The following GFRA1 variants were observed in gnomAD, a reference collection of about 807,000 sequenced individuals.
The protein encoded by GFRA1 is GDNF family receptor alpha 1.
GFRA1 carries 16 observed loss-of-function variants against 51.6 expected under a neutral mutation model. The ratio of observed to expected loss-of-function variants is 0.31; its 90% confidence interval spans 0.21 to 0.47. GFRA1 has a LOEUF of 0.47. Ranked by LOEUF, GFRA1 falls within the 20% of genes least tolerant of loss-of-function variation. GFRA1 has a pLI of 1.00. For missense variants in GFRA1, 530 were observed against 594.3 expected, an observed-to-expected ratio of 0.89 and a Z score of 1.13; for synonymous variants, 270 against 241.3, an observed-to-expected ratio of 1.12 and a Z score of -1.10.
intron 5 of GFRA1, among the ~76,000 whole-genome samples, chr10:116,183,741 C>A (rs1380729753): frequency 1.3e-5 from 2 of 152,226 alleles, no homozygotes; most frequent in Admixed American, 1.3e-4. Context: ...TCTTAACACT[C>A]AGCACCTTGC....
chr10:116,152,937 T>C (rs1959119240), intron 5 of GFRA1, among the ~76,000 whole-genome samples: 1 of 152,226 alleles, frequency 6.6e-6, no homozygotes, highest in South Asian at 2.1e-4. Flanking sequence ...AGTGCTTTTA[T>C]TGAGCACTGA....
At chr10:116,187,289 G>A (rs1962817639) in intron 5 of GFRA1, among the ~76,000 whole-genome samples, 1 of 152,166 alleles carries the variant, frequency 6.6e-6, no homozygotes, top group African/African-American at 2.4e-5. Flanking sequence ...TTGAGGTCAT[G>A]AGGCTGGAGC....
chr10:116,120,203 G>C (rs1205764768), intron 6 of GFRA1, among the ~76,000 whole-genome samples: 3 of 152,214 alleles, frequency 2.0e-5, no homozygotes, highest in African/African-American at 7.2e-5. Context: ...TGAGGACATA[G>C]AGCCGCTGAC....
intron 5 of GFRA1, among the ~76,000 whole-genome samples, chr10:116,173,777 G>A (rs34326551): frequency 0.13 from 19,355 of 151,946 alleles, 1,607 homozygotes; most frequent in East Asian, 0.25. Flanking sequence ...TTTTTTCCCC[G>A]GTTAAAAAAA....
chr10:116,195,356 T>C (rs1468139779), intron 5 of GFRA1, among the ~76,000 whole-genome samples: 1 of 152,174 alleles, frequency 6.6e-6, no homozygotes, highest in Non-Finnish European at 1.5e-5. Flanking sequence ...AACATTCTTG[T>C]AGAGCAGTGG....
chr10:116,125,992 A>G (rs1383617070), intron 5 of GFRA1, among the ~76,000 whole-genome samples: 1 of 152,232 alleles, frequency 6.6e-6, no homozygotes, highest in Non-Finnish European at 1.5e-5. Context: ...TATGTAATAA[A>G]TGCATATAGT....
At chr10:116,221,201 A>G (rs1965900049) in intron 4 of GFRA1, among the ~76,000 whole-genome samples, 1 of 152,210 alleles carries the variant, frequency 6.6e-6, no homozygotes, top group African/African-American at 2.4e-5. Context: ...ACAGATAAAG[A>G]AACACAGGCC....
chr10:116,271,030 G>C lies in GFRA1; in HGVS notation c.126C>G (p.Cys42Trp). The change falls in exon 3 of 11, where the codon TGC becomes TGG. Residue 42 changes from cysteine to tryptophan, a missense_variant. Coordinates refer to ENST00000355422, the MANE Select transcript of GFRA1 (RefSeq NM_005264.8). ...GCCTTAGCGTGCGGTACTTGGTGCT[G>C]CAGCTCTGCTCCTTCAGGCACTGAT... ...ASDQCLKEQS[C>W]STKYRTLRQC... 1.2e-6 allele frequency: 2 copies of C among 1,614,198 alleles called. No individual in the cohort carries two copies. Among genetic ancestry groups the C allele is most frequent in the Non-Finnish European group, 1.7e-6 (2 of 1,180,024 alleles).
intron 4 of GFRA1, among the ~76,000 whole-genome samples, chr10:116,228,294 G>A (rs902500801): frequency 1.3e-5 from 2 of 152,180 alleles, no homozygotes; most frequent in Admixed American, 6.5e-5. Flanking sequence ...GGAGGCTTCT[G>A]ATAAGGAAGT....
At chr10:116,118,882 G>A (rs1198217169) in intron 6 of GFRA1, among the ~76,000 whole-genome samples, 1 of 152,170 alleles carries the variant, frequency 6.6e-6, no homozygotes, top group Non-Finnish European at 1.5e-5. Context: ...TGCAGGGAGG[G>A]GACCAGCTGG....
Position 116,063,171 on chromosome 10 carries a change from T to C in GFRA1, c.*1227A>G, listed in dbSNP as rs1369700345. ...CATGTCCCAATCAAAGCTGCCTTTG[T>C]CAGATAACCTGAAAACCAAGGTACT... On this transcript the variant is annotated 3_prime_UTR_variant, in exon 11 of 11. Coordinates refer to ENST00000355422, the MANE Select transcript of GFRA1 (RefSeq NM_005264.8). The C allele has an allele frequency of 6.6e-6, 1 of 152,234 alleles. No individual in the cohort carries two copies. The highest frequency in any genetic ancestry group is 1.5e-5 in the Non-Finnish European group (1 of 68,052). The allele number at this position is 152,234 out of a possible 1,614,324, so 9.4% of individuals were successfully genotyped here.
At chr10:116,149,928 C>T (rs1160154741) in intron 5 of GFRA1, among the ~76,000 whole-genome samples, 1 of 152,188 alleles carries the variant, frequency 6.6e-6, no homozygotes, top group Non-Finnish European at 1.5e-5. Context: ...GTTCCAAGCA[C>T]TCCGCAAAGG....
At chr10:116,233,147 C>A (rs560200247) in intron 4 of GFRA1, among the ~76,000 whole-genome samples, 1 of 151,930 alleles carries the variant, frequency 6.6e-6, no homozygotes, top group East Asian at 1.9e-4. Context: ...GTCAACATGG[C>A]AAAACCCTGT....
chr10:116,252,752 C>T (rs1968491587), intron 4 of GFRA1, among the ~76,000 whole-genome samples: 1 of 152,156 alleles, frequency 6.6e-6, no homozygotes, highest in African/African-American at 2.4e-5. Flanking sequence ...ATCACTGTGA[C>T]TGGGGGATAG....
At chr10:116,264,717 A>T (rs1969531627) in intron 4 of GFRA1, among the ~76,000 whole-genome samples, 2 of 152,188 alleles carry the variant, frequency 1.3e-5, no homozygotes, top group Admixed American at 1.3e-4. Context: ...ATACTTGGGG[A>T]ATTGTTTGGC....
chr10:116,100,893 G>T (rs1184357715), intron 6 of GFRA1, among the ~76,000 whole-genome samples: 1 of 152,132 alleles, frequency 6.6e-6, no homozygotes, highest in Admixed American at 6.5e-5. Context: ...CAAAACTTCG[G>T]ACTGGAGGGG....
chr10:116,183,539 AC>A (rs1435436825), intron 5 of GFRA1, among the ~76,000 whole-genome samples: 1 of 152,166 alleles, frequency 6.6e-6, no homozygotes, highest in Non-Finnish European at 1.5e-5. Context: ...AGTTTTAGGC[AC>A]CAAGAGGGCA....
At chr10:116,097,447 C>T (rs1223145774) in intron 6 of GFRA1, among the ~76,000 whole-genome samples, 2 of 152,156 alleles carry the variant, frequency 1.3e-5, no homozygotes, top group African/African-American at 4.8e-5. Flanking sequence ...CAGCTGCCTG[C>T]AGGTTGGAAT....
At chr10:116,182,882 C>T (rs1382233747) in intron 5 of GFRA1, among the ~76,000 whole-genome samples, 1 of 152,168 alleles carries the variant, frequency 6.6e-6, no homozygotes, top group East Asian at 1.9e-4. Context: ...GAGCTGAGCG[C>T]TCCTGGAAGA....
Sources: gnomAD v4.1 joint callset for allele counts (sites outside exome capture counted in the v4.1 genomes callset) on GRCh38, gnomAD v4.1.1 for gene constraint, MANE v1.5 for transcripts, NCBI Gene and HGNC (gene_info 2026-07-23, HGNC 2026-07-21) for gene names.